The following BMP7 variants were observed in gnomAD, a reference collection of about 807,000 sequenced individuals.
BMP7 encodes osteogenic protein 1.
BMP7 carries 12 observed loss-of-function variants against 41.2 expected under a neutral mutation model. That is an observed-to-expected ratio of 0.29 (90% CI 0.19 to 0.47). The LOEUF (loss-of-function observed/expected upper bound fraction) is 0.47. Ranked by LOEUF, BMP7 falls within the 20% of genes least tolerant of loss-of-function variation. The pLI is 0.99. For synonymous variants in BMP7, 248 were observed against 250.0 expected, an observed-to-expected ratio of 0.99 and a Z score of 0.07; for missense variants, 467 against 606.0, an observed-to-expected ratio of 0.77 and a Z score of 2.41.
At chr20:57,178,673 C>T (rs1216446803) in intron 4 of BMP7, among the ~76,000 whole-genome samples, 1 of 152,158 alleles carries the variant, frequency 6.6e-6, no homozygotes, top group East Asian at 1.9e-4. Flanking sequence ...TAGCCATGCC[C>T]CTCCACGAGC....
chr20:57,254,495 C>T (rs2066126488), intron 1 of BMP7, among the ~76,000 whole-genome samples: 1 of 152,044 alleles, frequency 6.6e-6, no homozygotes, highest in African/African-American at 2.4e-5. Context: ...GTGTATGAAC[C>T]CACAAACAAT....
intron 1 of BMP7, among the ~76,000 whole-genome samples, chr20:57,251,672 G>C (rs535191596): frequency 6.6e-6 from 1 of 152,210 alleles, no homozygotes; most frequent in African/African-American, 2.4e-5. Flanking sequence ...AGTGGCTCAC[G>C]CCTGTAATCC....
intron 1 of BMP7, among the ~76,000 whole-genome samples, chr20:57,251,286 A>G (rs1025548667): frequency 2.0e-5 from 3 of 152,046 alleles, no homozygotes; most frequent in Non-Finnish European, 4.4e-5. Context: ...GGGTTTAACA[A>G]CCTGCCTGAG....
At chr20:57,209,098 C>T (rs1984810849) in intron 2 of BMP7, among the ~76,000 whole-genome samples, 1 of 151,866 alleles carries the variant, frequency 6.6e-6, no homozygotes, top group Non-Finnish European at 1.5e-5. Context: ...GCGTGTGGAT[C>T]ACCCTGAGGT....
intron 1 of BMP7, among the ~76,000 whole-genome samples, chr20:57,250,957 C>T (rs566007100): frequency 1.3e-5 from 2 of 152,384 alleles, no homozygotes; most frequent in African/African-American, 4.8e-5. Context: ...CTGCCCTGAT[C>T]CAAGTCCTGT....
intron 3 of BMP7, among the ~76,000 whole-genome samples, chr20:57,187,558 T>C (rs1037175543): frequency 1.3e-5 from 2 of 150,174 alleles, no homozygotes; most frequent in Admixed American, 6.6e-5. Flanking sequence ...GCCTGCCCTC[T>C]CTCTCTCTCT....
At chr20:57,232,492 G>C (rs574137063) in intron 1 of BMP7, among the ~76,000 whole-genome samples, 3 of 152,160 alleles carry the variant, frequency 2.0e-5, no homozygotes, top group Non-Finnish European at 4.4e-5. Flanking sequence ...ACAATCATTA[G>C]AGTCATGCCC....
At chr20:57,227,026 C>T (rs991237924) in intron 2 of BMP7, among the ~76,000 whole-genome samples, 2 of 152,054 alleles carry the variant, frequency 1.3e-5, no homozygotes, top group Non-Finnish European at 2.9e-5. Context: ...GGGGTTTCAC[C>T]GTGTTGGCCA....
intron 1 of BMP7, among the ~76,000 whole-genome samples, chr20:57,231,397 G>C (rs915119129): frequency 1.6e-4 from 24 of 152,314 alleles, no homozygotes; most frequent in African/African-American, 5.8e-4. Flanking sequence ...GCCTAGAAGT[G>C]GCATTGTGCA....
intron 1 of BMP7, among the ~76,000 whole-genome samples, chr20:57,242,159 C>G (rs1002967660): frequency 1.3e-5 from 2 of 152,334 alleles, no homozygotes; most frequent in East Asian, 1.9e-4. Context: ...TTGTCCTCCC[C>G]TCACTCCCAT....
At chr20:57,216,558 G>A (rs544947369) in intron 2 of BMP7, among the ~76,000 whole-genome samples, 1 of 149,086 alleles carries the variant, frequency 6.7e-6, no homozygotes, top group South Asian at 2.1e-4. Flanking sequence ...GCGAGGGGCT[G>A]TCTCCTGAGG....
At chr20:57,245,473 A>G (rs1038590454) in intron 1 of BMP7, among the ~76,000 whole-genome samples, 5 of 152,000 alleles carry the variant, frequency 3.3e-5, no homozygotes, top group African/African-American at 1.2e-4. Context: ...CAGCCTCCCA[A>G]AGTGCTGGAA....
At chr20:57,225,881 C>G (rs6070031) in intron 2 of BMP7, 15 of 469,958 alleles carry the variant, frequency 3.2e-5, no homozygotes, top group South Asian at 2.3e-4. Context: ...TCTGCTGGAA[C>G]GTGAGCTTCC....
At position 57,171,027 on chromosome 20, in the gene BMP7, C is replaced by T. The variant is rs1183761358; in HGVS notation, c.1228G>A (p.Asp410Asn). 8 of 1,614,046 alleles carry T rather than the reference C, an allele frequency of 5.0e-6. No individual in the cohort carries two copies. The highest frequency in any genetic ancestry group is 2.2e-5 in the South Asian group (2 of 91,078). The part of the protein sequence containing the change: ...QLNAISVLYF[D>N]DSSNVILKKY... ...TTCAGGATGACGTTGGAGCTGTCATCGAAGTAGAGGACGGAGATGGCATTG... is the reference window on the plus strand; with the variant it reads ...TTCAGGATGACGTTGGAGCTGTCATTGAAGTAGAGGACGGAGATGGCATTG... Residue 410 changes from aspartate to asparagine, a missense_variant, in exon 7 of 7, where the codon GAT becomes AAT. Physicochemically the swap from Asp to Asn is conservative, Grantham distance 23. Around this residue, in one of 2 missense-constraint regions of BMP7, gnomAD observed 60 missense variants for 120.1 expected, o/e 0.50. Transcript: ENST00000395863. The surrounding 1 kb of genome is among the most constrained non-coding windows in gnomAD (Gnocchi z 4.5).
chr20:57,245,461 C>T (rs1214136253), intron 1 of BMP7, among the ~76,000 whole-genome samples: 1 of 152,076 alleles, frequency 6.6e-6, no homozygotes, highest in Non-Finnish European at 1.5e-5. Context: ...ATCCTCCTGC[C>T]TCAGCCTCCC....
chr20:57,235,456 G>A (rs1028258801), intron 1 of BMP7, among the ~76,000 whole-genome samples: 1 of 152,154 alleles, frequency 6.6e-6, no homozygotes, highest in Non-Finnish European at 1.5e-5. Context: ...AACAATTTTG[G>A]GGAAACAGGG....
intron 1 of BMP7, among the ~76,000 whole-genome samples, chr20:57,256,262 C>A (rs1353249647): frequency 6.6e-6 from 1 of 152,168 alleles, no homozygotes; most frequent in African/African-American, 2.4e-5. Flanking sequence ...CTAGCTTCAA[C>A]AAAAATATCT....
intron 1 of BMP7, among the ~76,000 whole-genome samples, chr20:57,239,231 C>T (rs187783285): frequency 2.0e-5 from 3 of 152,268 alleles, no homozygotes; most frequent in Non-Finnish European, 4.4e-5. Context: ...ACGGCCATTC[C>T]AAATGGGAGA....
chr20:57,245,839 C>T (rs143778622), intron 1 of BMP7, among the ~76,000 whole-genome samples: 4,092 of 151,570 alleles, frequency 0.027, 78 homozygotes, highest in Non-Finnish European at 0.041. Flanking sequence ...GGGGTTTCAC[C>T]GTGTTAGCCA....
Sources: allele counts gnomAD v4.1 joint callset (sites outside exome capture counted in the v4.1 genomes callset), GRCh38; gene constraint gnomAD v4.1.1; regional missense constraint gnomAD v4.1.1; non-coding constraint Gnocchi (gnomAD v3.1); transcripts MANE v1.5; gene names NCBI Gene and HGNC (gene_info 2026-07-23, HGNC 2026-07-21).